Variants in ATG5 observed in about 807,000 individuals in gnomAD.
ATG5 encodes autophagy protein 5.
In ATG5, 14 loss-of-function variants were observed where a neutral mutation model predicts 36.5. That is an observed-to-expected ratio of 0.38 (90% confidence interval 0.25 to 0.60). The LOEUF is 0.60. Among genes scored for constraint, ATG5 ranks in the 20% least tolerant of loss-of-function variants. The probability of loss-of-function intolerance (pLI) is 0.60; values close to 1 mark genes in which losing one functional copy is unlikely to be tolerated. For synonymous variants in ATG5, 95 were observed against 101.5 expected (o/e 0.94, Z 0.38); for missense variants, 195 against 326.7 (o/e 0.60, Z 3.11).
In ATG5 at chr6:106,185,524, G is replaced by T. The variant is rs1562197774; in HGVS notation, c.*1016C>A. 6.6e-6 allele frequency: 1 copy of T among 152,292 alleles called. No homozygotes were observed. Among genetic ancestry groups the T allele is most frequent in the Non-Finnish European group, 1.5e-5 (1 of 68,020 alleles). 9.4% of individuals were successfully genotyped at this position (152,292 alleles called of 1,614,324 possible). A position where few individuals can be genotyped will look rare whatever the true frequency, so the allele number is the denominator to read the frequency against. On this transcript the variant is annotated 3_prime_UTR_variant, in exon 8 of 8. Transcript: ENST00000369076. Reference sequence around the variant, plus strand: ...TAAAGAAAAGGTACTGCAGTCAAGAGACAGGTAATCTTTAAACTTCAAAAG... The same window carrying T: ...TAAAGAAAAGGTACTGCAGTCAAGATACAGGTAATCTTTAAACTTCAAAAG...
In ATG5 at chr6:106,274,473, CTGT is replaced by C. The variant is rs1205869456; in HGVS notation, c.478+5185_478+5187del. On this transcript the variant is annotated intron_variant, in intron 5 of 7. Transcript: ENST00000369076. The stretch of plus-strand genomic sequence containing the variant: ...TGAAAGTATTCAAAAATTGTTTAAA[CTGT>C]TGTTTAGCTGTTATAATCTACAAGT... Among the ~76,000 whole-genome samples, 12 of 152,200 alleles carry C rather than the reference CTGT, an allele frequency of 7.9e-5. 1 individual carries two copies. In the East Asian group the frequency reaches 2.3e-3, roughly 29 times the overall value.
At chr6:106,196,326 TA>T (rs925007551) in intron 7 of ATG5, among the ~76,000 whole-genome samples, 1 of 151,912 alleles carries the variant, frequency 6.6e-6, no homozygotes, top group African/African-American at 2.4e-5. Context: ...ACCAAAAAGT[TA>T]AAAAGAAAGA....
At chr6:106,288,057 G>A (rs915556323) in intron 4 of ATG5, among the ~76,000 whole-genome samples, 9 of 149,360 alleles carry the variant, frequency 6.0e-5, no homozygotes, top group East Asian at 5.9e-4. Flanking sequence ...TGCAACCTCC[G>A]CCCCCCAGGT....
chr6:106,264,001 A>G (rs1372194652), intron 5 of ATG5, among the ~76,000 whole-genome samples: 1 of 152,196 alleles, frequency 6.6e-6, no homozygotes, highest in Admixed American at 6.5e-5. Flanking sequence ...AAGTTGATGA[A>G]TTGACAGAAG....
chr6:106,295,076 A>G (rs1236378164), intron 3 of ATG5, among the ~76,000 whole-genome samples: 1 of 151,998 alleles, frequency 6.6e-6, no homozygotes, highest in Non-Finnish European at 1.5e-5. Context: ...ACACACACAC[A>G]CATATACACA....
chr6:106,195,851 T>A (rs1281910051), intron 7 of ATG5, among the ~76,000 whole-genome samples: 2 of 149,372 alleles, frequency 1.3e-5, no homozygotes, highest in African/African-American at 4.9e-5. Flanking sequence ...GAAGTCACAC[T>A]GTGTATCCCC....
chr6:106,225,112 A>G (rs2114441545), intron 6 of ATG5, among the ~76,000 whole-genome samples: 1 of 152,264 alleles, frequency 6.6e-6, no homozygotes, highest in East Asian at 1.9e-4. Flanking sequence ...GCCAGGCACA[A>G]TAGTTTATTA....
intron 6 of ATG5, among the ~76,000 whole-genome samples, chr6:106,205,422 C>G (rs1490483963): frequency 6.6e-6 from 1 of 152,136 alleles, no homozygotes; most frequent in Non-Finnish European, 1.5e-5. Flanking sequence ...TGGAATATTT[C>G]TAACACAAAG....
At chr6:106,293,447 AT>A (rs1780400761) in intron 3 of ATG5, among the ~76,000 whole-genome samples, 1 of 152,204 alleles carries the variant, frequency 6.6e-6, no homozygotes, top group Non-Finnish European at 1.5e-5. Context: ...ATTTTTGTAA[AT>A]TTATTTAAAT....
At chr6:106,322,472 G>C (rs1771122530) in intron 1 of ATG5, among the ~76,000 whole-genome samples, 1 of 152,044 alleles carries the variant, frequency 6.6e-6, no homozygotes, top group Non-Finnish European at 1.5e-5. Flanking sequence ...CTCTTCCCTA[G>C]TCCATTTATT....
At chr6:106,240,653 AAAGT>A (rs1305616900) in intron 6 of ATG5, among the ~76,000 whole-genome samples, 5 of 152,054 alleles carry the variant, frequency 3.3e-5, no homozygotes, top group Non-Finnish European at 7.4e-5. Context: ...ACATTTTTGA[AAAGT>A]AAGCTGGCAA....
intron 5 of ATG5, 77 bp downstream of exon 5, chr6:106,279,584 T>A (rs1325961186): frequency 1.6e-6 from 2 of 1,214,778 alleles, no homozygotes; most frequent in Admixed American, 5.9e-5. Flanking sequence ...TTCTAAAATG[T>A]ATCAACTACT....
At chr6:106,286,450 T>A (rs1006877819) in intron 4 of ATG5, among the ~76,000 whole-genome samples, 1 of 152,214 alleles carries the variant, frequency 6.6e-6, no homozygotes, top group Non-Finnish European at 1.5e-5. Flanking sequence ...AAAGTATATG[T>A]TAACATCAAT....
At chr6:106,295,203 T>C (rs1425493552) in intron 3 of ATG5, among the ~76,000 whole-genome samples, 1 of 152,304 alleles carries the variant, frequency 6.6e-6, no homozygotes, top group African/African-American at 2.4e-5. Context: ...ACAGACCTTT[T>C]AACGTCTTCA....
At chr6:106,209,437 ACACACTG>A (rs1334311280) in intron 6 of ATG5, among the ~76,000 whole-genome samples, 21 of 152,202 alleles carry the variant, frequency 1.4e-4, no homozygotes, top group Non-Finnish European at 4.4e-5. Flanking sequence ...TCAAAAGGTT[ACACACTG>A]CATGACTCCA....
At chr6:106,272,267 G>A (rs976886886) in intron 5 of ATG5, among the ~76,000 whole-genome samples, 2 of 152,284 alleles carry the variant, frequency 1.3e-5, no homozygotes, top group East Asian at 3.9e-4. Flanking sequence ...CTTAAAAAGG[G>A]AAATCTGATT....
chr6:106,222,482 CATT>C (rs1235038684), intron 6 of ATG5, among the ~76,000 whole-genome samples: 1 of 152,024 alleles, frequency 6.6e-6, no homozygotes, highest in African/African-American at 2.4e-5. Flanking sequence ...AAGGGGAGAA[CATT>C]ATGTTTTTAC....
intron 3 of ATG5, among the ~76,000 whole-genome samples, chr6:106,296,395 A>G (rs1232863736): frequency 6.6e-6 from 1 of 152,220 alleles, no homozygotes; most frequent in Non-Finnish European, 1.5e-5. Context: ...ATTATTCCCA[A>G]TAAGACACTA....
chr6:106,194,139 T>C (rs1227368703), intron 7 of ATG5, among the ~76,000 whole-genome samples: 1 of 152,226 alleles, frequency 6.6e-6, no homozygotes, highest in Non-Finnish European at 1.5e-5. Flanking sequence ...GAGATACTAG[T>C]TCCTTCTAAT....
Sources: allele counts gnomAD v4.1 joint callset (sites outside exome capture counted in the v4.1 genomes callset), GRCh38; gene constraint gnomAD v4.1.1; transcripts MANE v1.5; gene names NCBI Gene and HGNC (gene_info 2026-07-23, HGNC 2026-07-21).